The following NBEAL2 variants were observed in gnomAD, a reference collection of about 807,000 sequenced individuals.
NBEAL2 encodes neurobeachin-like protein 2.
In NBEAL2, 160 loss-of-function variants were observed where a neutral mutation model predicts 299.8. That is an observed-to-expected ratio of 0.53 (90% CI 0.47 to 0.61). NBEAL2 has a LOEUF of 0.61. NBEAL2 is among the 20% of genes least tolerant of loss of function. The probability of loss-of-function intolerance (pLI) is 0.00; values close to 1 mark genes in which losing one functional copy is unlikely to be tolerated. For missense variants in NBEAL2, 3,112 were observed against 3,649.0 expected (o/e 0.85, Z 3.79); for synonymous variants, 1,493 against 1,542.3 (o/e 0.97, Z 0.75).
At position 47,005,468 on chromosome 3, in the gene NBEAL2, GGCCCCGT is replaced by G. The variant is rs759507238; in HGVS notation, c.6561-15_6561-9del. 6.8e-6 allele frequency: 11 copies of G among 1,608,002 alleles called. No individual in the cohort carries two copies. In the African/African-American group the frequency reaches 9.4e-5, roughly 14 times the overall value. On this transcript the variant is annotated splice_polypyrimidine_tract_variant and intron_variant, in intron 40 of 53. Transcript: ENST00000450053. ...GTCTCCATTCTCCCCACCTCACCTT[GGCCCCGT>G]GCCCCTCCCCCAGCTTTGACTGCTC...
chr3:47,002,965 CCATCCCCCG>C lies in NBEAL2; in HGVS notation c.5470_5478del (p.Ile1824_Arg1826del). 1 of 1,613,088 alleles carries C rather than the reference CCATCCCCCG, an allele frequency of 6.2e-7. No homozygotes were observed. Among genetic ancestry groups the C allele is most frequent in the Non-Finnish European group, 8.5e-7 (1 of 1,179,808 alleles). Reference sequence around the variant, plus strand: ...TGGGGGACATTCTGCAGGGACACTCCCATCCCCCGCTGGAAACTGTCCAGCGCCGAGACA... The same window carrying C: ...TGGGGGACATTCTGCAGGGACACTCCCTGGAAACTGTCCAGCGCCGAGACA... On this transcript the variant is annotated inframe_deletion, in exon 34 of 54. Coordinates refer to ENST00000450053, the MANE Select transcript of NBEAL2 (RefSeq NM_015175.3).
chr3:46,996,032 G>C lies in NBEAL2; in HGVS notation c.2132G>C (p.Arg711Pro), dbSNP rs762033848. Reference sequence around the variant, plus strand: ...CATCTGGTCAAGACAGCACCCCTTCGCTGCCCCTCCCTCAGTGAGGTGTGC... The same window carrying C: ...CATCTGGTCAAGACAGCACCCCTTCCCTGCCCCTCCCTCAGTGAGGTGTGC... ...DGHLVKTAPLRCPSLSEPFSS... is the reference protein window; with the variant it reads ...DGHLVKTAPLPCPSLSEPFSS... Residue 711 changes from arginine (R) to proline (P), a missense_variant, in exon 15 of 54, where the codon CGC becomes CCC. This residue lies in a region of NBEAL2 where 2,243 missense variants were observed against 2,538.1 expected (regional missense o/e 0.88). Transcript: ENST00000450053. The C allele has an allele frequency of 1.9e-6, 3 of 1,609,268 alleles. No homozygotes were observed. The highest frequency in any genetic ancestry group is 2.5e-6 in the Non-Finnish European group (3 of 1,177,988).
intron 45 of NBEAL2, among the ~76,000 whole-genome samples, chr3:47,006,758 T>C (rs1294947832): frequency 1.3e-5 from 2 of 151,828 alleles, no homozygotes; most frequent in Non-Finnish European, 2.9e-5. Context: ...AGGCCTGACT[T>C]TTTTTTTAGG....
Position 47,001,409 on chromosome 3 carries a change from C to T in NBEAL2, c.4615C>T (p.His1539Tyr), listed in dbSNP as rs1278570375. The stretch of plus-strand genomic sequence containing the variant: ...GCAGGACTTCCTGTGTGCTGAAGGC[C>T]ATGGTAACCAGGAACTGTGGAGTGA... Reference protein sequence around the residue: ...LLQDFLCAEGHGNQELWSEKL... With the variant: ...LLQDFLCAEGYGNQELWSEKL... Residue 1539 changes from histidine (H) to tyrosine (Y), a missense_variant, in exon 29 of 54, where the codon CAT (histidine) becomes TAT (tyrosine). Around this residue, in one of 3 missense-constraint regions of NBEAL2, gnomAD observed 2,243 missense variants for 2,538.1 expected, o/e 0.88. Transcript: ENST00000450053. The surrounding 1 kb of genome is among the most constrained non-coding windows in gnomAD (Gnocchi z 6.1). 2.5e-6 allele frequency: 4 copies of T among 1,612,874 alleles called. No individual in the cohort carries two copies. The highest frequency in any genetic ancestry group is 2.7e-5 in the African/African-American group (2 of 74,902).
At chr3:46,981,343 G>A (rs2035319934) in intron 1 of NBEAL2, among the ~76,000 whole-genome samples, 1 of 152,216 alleles carries the variant, frequency 6.6e-6, no homozygotes, top group African/African-American at 2.4e-5. Context: ...TCGGGAGGCT[G>A]AGGCAGGAGA....
intron 12 of NBEAL2, 102 bp downstream of exon 12, chr3:46,994,655 C>T (rs1295937769): frequency 2.1e-5 from 21 of 995,482 alleles, no homozygotes; most frequent in South Asian, 3.0e-5. Context: ...GTATTGACTG[C>T]GGCCAGTACA....
Position 47,006,385 on chromosome 3 carries a change from G to A in NBEAL2, c.7070G>A (p.Arg2357His), listed in dbSNP as rs374752503. 14 of 1,595,834 alleles carry A rather than the reference G, an allele frequency of 8.8e-6. No homozygotes were observed. The highest frequency in any genetic ancestry group is 1.1e-5 in the South Asian group (1 of 87,774). ...GAGGAAGCAGCCCATCGCCTTGCACGCCTGGACACTAACTCACCTAGCATC... is the reference window on the plus strand; with the variant it reads ...GAGGAAGCAGCCCATCGCCTTGCACACCTGGACACTAACTCACCTAGCATC... ...SAEEAAHRLA[R>H]LDTNSPSIFQ... Residue 2357 changes from arginine (R) to histidine (H), a missense_variant, in exon 45 of 54, where the codon CGC (arginine) becomes CAC (histidine). Arg to His is a conservative substitution (Grantham distance 29, BLOSUM62 0). Around this residue, in one of 3 missense-constraint regions of NBEAL2, gnomAD observed 521 missense variants for 729.6 expected, o/e 0.71. Transcript: ENST00000450053.
chr3:46,985,769 C>T (rs779830939), intron 1 of NBEAL2, among the ~76,000 whole-genome samples: 4 of 152,190 alleles, frequency 2.6e-5, no homozygotes, highest in Non-Finnish European at 5.9e-5. Flanking sequence ...GGGTTGGGGC[C>T]CTGACCCAGT....
rs1247432339 is a variant in NBEAL2 at position 46,989,221 on chromosome 3, A to G, written c.352-39A>G. 7 of 1,612,768 alleles carry G rather than the reference A, an allele frequency of 4.3e-6. No homozygotes were observed. Among genetic ancestry groups the G allele is most frequent in the Non-Finnish European group, 5.9e-6 (7 of 1,179,370 alleles). On this transcript the variant is annotated intron_variant, in intron 4 of 53. Transcript: ENST00000450053. This position sits in a 1 kb window ranked among gnomAD's most constrained non-coding sequence, Gnocchi z 5.5. ...GGGTGTATGCAGGGAGGCAGGCGGT[A>G]GCCATGGCGGGGCTAACCCTCTCTC... is the stretch of plus-strand genomic sequence containing the variant.
intron 1 of NBEAL2, among the ~76,000 whole-genome samples, chr3:46,981,240 C>G (rs566629802): frequency 2.6e-5 from 4 of 151,916 alleles, no homozygotes; most frequent in Non-Finnish European, 5.9e-5. Flanking sequence ...GTCAGGAGAT[C>G]GAGACCATCC....
At chr3:46,986,653 T>C (rs973463279) in intron 1 of NBEAL2, among the ~76,000 whole-genome samples, 1 of 152,080 alleles carries the variant, frequency 6.6e-6, no homozygotes, top group Non-Finnish European at 1.5e-5. Flanking sequence ...TGGGACATTT[T>C]TGAAGGCAGC....
rs2037153259 is a variant in NBEAL2 at position 47,003,082 on chromosome 3, G to A, written c.5584+1G>A. On this transcript the variant is annotated splice_donor_variant, in intron 34 of 53. Transcript: ENST00000450053. LOFTEE classifies it high-confidence loss of function. The surrounding 1 kb of genome is among the most constrained non-coding windows in gnomAD (Gnocchi z 7.0). The stretch of plus-strand genomic sequence containing the variant: ...GCCAGCGCTCTCCGAGACAATCTGG[G>A]TGAGGGAGTGTGCTGAGATGGGTCC... The A allele has an allele frequency of 1.9e-6, 3 of 1,612,034 alleles. No individual in the cohort carries two copies. Among genetic ancestry groups the A allele is most frequent in the Non-Finnish European group, 1.7e-6 (2 of 1,179,244 alleles).
chr3:46,998,986 GC>G lies in NBEAL2; in HGVS notation c.3415del (p.Leu1139CysfsTer28). ...QAVGALDLLL[A>X]LLHGSLVQES... ...GGTGGGTGCGCTGGACCTGCTGCTG[GC>G]CCTGCTGCACGGTTCCCTGGTGCAG... On this transcript the variant is annotated frameshift_variant, in exon 24 of 54. Coordinates refer to ENST00000450053, the MANE Select transcript of NBEAL2 (RefSeq NM_015175.3). LOFTEE classifies it high-confidence loss of function. 1 of 1,607,584 alleles carries G rather than the reference GC, an allele frequency of 6.2e-7. No individual in the cohort carries two copies. Among genetic ancestry groups the G allele is most frequent in the Non-Finnish European group, 8.5e-7 (1 of 1,177,246 alleles).
chr3:47,004,654 C>A lies in NBEAL2; in HGVS notation c.6294+64C>A. 6.6e-7 allele frequency: 1 copy of A among 1,511,316 alleles called. No individual in the cohort carries two copies. Among genetic ancestry groups the A allele is most frequent in the Non-Finnish European group, 9.2e-7 (1 of 1,088,838 alleles). 93.6% of individuals were successfully genotyped at this position (1,511,316 alleles called of 1,614,324 possible). A position where few individuals can be genotyped will look rare whatever the true frequency, so the allele number is the denominator to read the frequency against. ...CTGACCTGTCAGCCCTTGGTTCCCC[C>A]AAGTGTAGGTACCTGCCAGTGGGCC... is the stretch of plus-strand genomic sequence containing the variant. On this transcript the variant is annotated intron_variant, in intron 38 of 53. Coordinates refer to ENST00000450053, the MANE Select transcript of NBEAL2 (RefSeq NM_015175.3). This position sits in a 1 kb window ranked among gnomAD's most constrained non-coding sequence, Gnocchi z 5.0.
At position 46,998,657 on chromosome 3, in the gene NBEAL2, C is replaced by G. The variant is rs1030482969; in HGVS notation, c.3222-60C>G. On this transcript the variant is annotated intron_variant, in intron 22 of 53. Transcript: ENST00000450053. ...GCGGTGCGCTTCCCTGACTCACCTG[C>G]CCACCCTCTCTCCCCGCCTTTCTTT... 3.9e-6 allele frequency: 6 copies of G among 1,553,212 alleles called. No individual in the cohort carries two copies. In the South Asian group the frequency reaches 7.1e-5, roughly 18 times the overall value.
Position 46,995,496 on chromosome 3 carries a change from G to A in NBEAL2, c.1761G>A (p.Met587Ile). 1 of 1,612,914 alleles carries A rather than the reference G, an allele frequency of 6.2e-7. No homozygotes were observed. The highest frequency in any genetic ancestry group is 8.5e-7 in the Non-Finnish European group (1 of 1,179,892). ...GCTACTTTGACCTCACGCCCAGCAT[G>A]GCGGGCATCATGGTACCCCCTGTAC... ...ALRYFDLTPS[M>I]AGIMVPPVQR... Residue 587 changes from methionine to isoleucine, a missense_variant, in exon 13 of 54, where the codon ATG becomes ATA. Transcript: ENST00000450053.
At position 46,998,492 on chromosome 3, in the gene NBEAL2, C is replaced by T. The variant is rs763096746; in HGVS notation, c.3148C>T (p.Arg1050Trp). Residue 1050 changes from arginine (R) to tryptophan (W), a missense_variant, in exon 22 of 54, where the codon CGG becomes TGG. By Grantham distance (101) the Arg-to-Trp change is moderately radical. Coordinates refer to ENST00000450053, the MANE Select transcript of NBEAL2 (RefSeq NM_015175.3). ...CATCCAGTACATGTCCAGCATAGTT[C>T]GGGAGCACAGACAGAAGCTGCGGAA... is the stretch of plus-strand genomic sequence containing the variant. ...GHIQYMSSIV[R>W]EHRQKLRKKY... 16 of 1,613,328 alleles carry T rather than the reference C, an allele frequency of 9.9e-6. No individual in the cohort carries two copies. In the South Asian group the frequency reaches 1.2e-4, roughly 12 times the overall value.
At position 47,004,444 on chromosome 3, in the gene NBEAL2, G is replaced by C; in HGVS notation, c.6198+51G>C. On this transcript the variant is annotated intron_variant, in intron 37 of 53. Transcript: ENST00000450053. This position sits in a 1 kb window ranked among gnomAD's most constrained non-coding sequence, Gnocchi z 5.0. Reference sequence around the variant, plus strand: ...TGAAGTCGGGACCCTGAATCACGGGGCAGTGCTGGACAGCCCACCTGGCTC... The same window carrying C: ...TGAAGTCGGGACCCTGAATCACGGGCCAGTGCTGGACAGCCCACCTGGCTC... 6.2e-7 allele frequency: 1 copy of C among 1,600,602 alleles called. No individual in the cohort carries two copies. The highest frequency in any genetic ancestry group is 8.5e-7 in the Non-Finnish European group (1 of 1,170,952).
chr3:46,993,095 C>T (rs752153830), intron 10 of NBEAL2, among the ~76,000 whole-genome samples: 1 of 152,196 alleles, frequency 6.6e-6, no homozygotes, highest in South Asian at 2.1e-4. Flanking sequence ...CTCCATAGCC[C>T]CTACCCTGGC....
Sources: allele counts gnomAD v4.1 joint callset (sites outside exome capture counted in the v4.1 genomes callset), GRCh38; gene constraint gnomAD v4.1.1; regional missense constraint gnomAD v4.1.1; non-coding constraint Gnocchi (gnomAD v3.1); transcripts MANE v1.5; gene names NCBI Gene and HGNC (gene_info 2026-07-23, HGNC 2026-07-21).